The following SCHIP1 variants were observed in gnomAD, a reference collection of about 807,000 sequenced individuals.
SCHIP1 encodes the protein schwannomin interacting protein 1, also known as schwannomin-interacting protein 1.
A neutral mutation model predicts 29.7 loss-of-function variants in SCHIP1; 8 were observed. That is an observed-to-expected ratio of 0.27 (90% CI 0.16 to 0.49). The LOEUF is 0.49. Ranked by LOEUF, SCHIP1 falls within the 20% of genes least tolerant of loss-of-function variation. The pLI, the probability that SCHIP1 is intolerant of heterozygous loss-of-function variation, is 0.99. For missense variants in SCHIP1, 193 were observed against 294.6 expected, an observed-to-expected ratio of 0.66 and a Z score of 2.52; for synonymous variants, 76 against 94.9, an observed-to-expected ratio of 0.80 and a Z score of 1.16.
At chr3:159,428,776 G>A in the SCHIP1 span, among the ~76,000 whole-genome samples, 3 of 151,978 alleles carry the variant, frequency 2.0e-5, no homozygotes, top group Admixed American at 6.6e-5. Flanking sequence ...ATTCACAATA[G>A]CAAAGACTTG....
At chr3:159,390,605 C>T in the SCHIP1 span, among the ~76,000 whole-genome samples, 7 of 152,032 alleles carry the variant, frequency 4.6e-5, no homozygotes, top group Admixed American at 2.0e-4. Context: ...TGAAAGTTAA[C>T]ATATTAAGAA....
At chr3:159,658,264 C>G in the SCHIP1 span, among the ~76,000 whole-genome samples, 1 of 152,114 alleles carries the variant, frequency 6.6e-6, no homozygotes, top group African/African-American at 2.4e-5. Context: ...TTTATGATAT[C>G]CAGGTGACAG....
the SCHIP1 span, among the ~76,000 whole-genome samples, chr3:159,414,849 A>G: frequency 6.6e-6 from 1 of 152,216 alleles, no homozygotes; most frequent in African/African-American, 2.4e-5. Context: ...GCAGTTCATG[A>G]TAGGGTTCAT....
At chr3:159,574,032 A>G in the SCHIP1 span, among the ~76,000 whole-genome samples, 2 of 152,172 alleles carry the variant, frequency 1.3e-5, no homozygotes, top group East Asian at 1.9e-4. Context: ...CAAGGTTTTT[A>G]GCTGCCTTGC....
chr3:159,424,835 C>T, the SCHIP1 span, among the ~76,000 whole-genome samples: 3 of 152,122 alleles, frequency 2.0e-5, no homozygotes, highest in Non-Finnish European at 2.9e-5. Flanking sequence ...AGACTAACAG[C>T]GGATCTCTCG....
chr3:159,307,170 A>T, the SCHIP1 span, among the ~76,000 whole-genome samples: 3 of 152,250 alleles, frequency 2.0e-5, no homozygotes, highest in Non-Finnish European at 2.9e-5. Flanking sequence ...TAATTTACCA[A>T]GATGAAAAAA....
At chr3:159,475,146 A>G in the SCHIP1 span, among the ~76,000 whole-genome samples, 2 of 152,176 alleles carry the variant, frequency 1.3e-5, no homozygotes, top group African/African-American at 2.4e-5. Flanking sequence ...TCACAGCAGC[A>G]TTACTCATGG....
the SCHIP1 span, among the ~76,000 whole-genome samples, chr3:159,296,447 A>C: frequency 6.6e-6 from 1 of 152,142 alleles, no homozygotes; most frequent in Admixed American, 6.6e-5. Context: ...CATTTTGTGT[A>C]TTTATATGTA....
chr3:159,633,737 T>A, the SCHIP1 span, among the ~76,000 whole-genome samples: 217 of 152,264 alleles, frequency 1.4e-3, no homozygotes, highest in African/African-American at 5.1e-3. Flanking sequence ...TATACACTCT[T>A]AATTAGGAAG....
At chr3:159,825,043 T>C in the SCHIP1 span, among the ~76,000 whole-genome samples, 1 of 152,222 alleles carries the variant, frequency 6.6e-6, no homozygotes, top group Admixed American at 6.5e-5. Flanking sequence ...GATACTTTAT[T>C]ATTCTTTAGA....
chr3:159,548,388 T>G, the SCHIP1 span, among the ~76,000 whole-genome samples: 2 of 152,014 alleles, frequency 1.3e-5, no homozygotes, highest in Non-Finnish European at 2.9e-5. Context: ...TATGAGTGTC[T>G]TATAACATCA....
the SCHIP1 span, among the ~76,000 whole-genome samples, chr3:159,651,323 A>C: frequency 5.3e-5 from 8 of 152,312 alleles, no homozygotes; most frequent in Non-Finnish European, 7.4e-5. Flanking sequence ...AGATGACTGA[A>C]ACTTAAGAGA....
chr3:159,784,885 C>T, the SCHIP1 span, among the ~76,000 whole-genome samples: 1 of 152,170 alleles, frequency 6.6e-6, no homozygotes, highest in African/African-American at 2.4e-5. Flanking sequence ...AGCTCCTGAC[C>T]TCAAGTGATC....
the SCHIP1 span, among the ~76,000 whole-genome samples, chr3:159,666,279 G>A: frequency 1.3e-5 from 2 of 152,188 alleles, no homozygotes; most frequent in South Asian, 2.1e-4. Flanking sequence ...ATACGTGACA[G>A]CCCTGCCAAC....
chr3:159,802,292 CA>C, the SCHIP1 span, among the ~76,000 whole-genome samples: 1 of 152,066 alleles, frequency 6.6e-6, no homozygotes, highest in East Asian at 1.9e-4. Flanking sequence ...ATGGCAAAGC[CA>C]AAAAAATGCT....
At chr3:159,730,852 C>T in the SCHIP1 span, among the ~76,000 whole-genome samples, 3 of 152,136 alleles carry the variant, frequency 2.0e-5, no homozygotes, top group Non-Finnish European at 4.4e-5. Context: ...CTATTTTATT[C>T]ATAAAACTAT....
At chr3:159,886,485 C>T in intron 3 of SCHIP1, 161 bp downstream of exon 4, 1 of 596,424 alleles carries the variant, frequency 1.7e-6, no homozygotes, top group Non-Finnish European at 2.9e-6. Context: ...ATTAAAAAGT[C>T]AAAGTTGTAA....
chr3:159,583,146 A>C, the SCHIP1 span, among the ~76,000 whole-genome samples: 2 of 152,184 alleles, frequency 1.3e-5, no homozygotes, highest in African/African-American at 4.8e-5. Context: ...AATTAAATTT[A>C]CACAACCTAT....
chr3:159,414,090 G>C, the SCHIP1 span, among the ~76,000 whole-genome samples: 1 of 152,140 alleles, frequency 6.6e-6, no homozygotes, highest in South Asian at 2.1e-4. Context: ...TACAATGGCA[G>C]GGCACTATAG....
Sources: allele counts gnomAD v4.1 joint callset (sites outside exome capture counted in the v4.1 genomes callset), GRCh38; gene constraint gnomAD v4.1.1; transcripts MANE v1.5; gene names NCBI Gene and HGNC (gene_info 2026-07-23, HGNC 2026-07-21).